IMPG1: variants seen among roughly 807,000 people sequenced by gnomAD.
IMPG1 encodes the protein interphotoreceptor matrix proteoglycan of 150 kDa.
IMPG1 carries 85 observed loss-of-function variants against 92.0 expected under a neutral mutation model. The observed-to-expected ratio is 0.92, with a 90% CI of 0.78 to 1.11. The LOEUF (loss-of-function observed/expected upper bound fraction) is 1.11. IMPG1 is among the 50% of genes least tolerant of loss of function. The pLI, the probability that IMPG1 is intolerant of heterozygous loss-of-function variation, is 0.00. For missense variants in IMPG1, 1,022 were observed against 956.0 expected (o/e 1.07, Z -0.91); for synonymous variants, 367 against 334.1 (o/e 1.10, Z -1.08).
In IMPG1 at chr6:75,972,538, G is replaced by A. The variant is rs143044465; in HGVS notation, c.1292-21444C>T. ...CTGTCCACTCTTTCTCATGACCTCCGTAAGACTTGTGGGTAACTCCCTTGT... is the reference window on the plus strand; with the variant it reads ...CTGTCCACTCTTTCTCATGACCTCCATAAGACTTGTGGGTAACTCCCTTGT... On this transcript the variant is annotated intron_variant, in intron 12 of 16. Coordinates refer to ENST00000369950, the MANE Select transcript of IMPG1 (RefSeq NM_001563.4). Among the ~76,000 whole-genome samples the A allele has an allele frequency of 8.0e-3, 1,211 of 152,124 alleles. 16 individuals carry two copies. The highest frequency in any genetic ancestry group is 0.027 in the African/African-American group (1,130 of 41,470).
At chr6:75,979,432 A>G (rs1450751097) in intron 12 of IMPG1, among the ~76,000 whole-genome samples, 1 of 152,196 alleles carries the variant, frequency 6.6e-6, no homozygotes, top group Non-Finnish European at 1.5e-5. Context: ...CACTTGTTGC[A>G]CAGGACAATG....
rs1562334660 is a variant in IMPG1 at position 75,924,544 on chromosome 6, AATATAATTAATATAATTATATATTAT to A, written c.2244-864_2244-839del. Among the ~76,000 whole-genome samples, 13 of 39,344 alleles carry A rather than the reference AATATAATTAATATAATTATATATTAT, an allele frequency of 3.3e-4. 2 individuals are homozygous for A. Among genetic ancestry groups the A allele is most frequent in the African/African-American group, 9.4e-4 (11 of 11,696 alleles). The allele number at this position is 39,344 out of a possible 152,430, so 25.8% of individuals were successfully genotyped here. ...ATTATATATTATAATATAATTATAT[AATATAATTAATATAATTATATATTAT>A]ATATAATTAATATAATTATATATTA... On this transcript the variant is annotated intron_variant, in intron 15 of 16. Transcript: ENST00000369950.
At chr6:75,962,982 G>C (rs941978234) in intron 12 of IMPG1, among the ~76,000 whole-genome samples, 1 of 151,808 alleles carries the variant, frequency 6.6e-6, no homozygotes, top group Non-Finnish European at 1.5e-5. Context: ...CGGAGGCTGC[G>C]GTGAGCCAAG....
chr6:75,954,656 G>T (rs994526517), intron 12 of IMPG1, among the ~76,000 whole-genome samples: 3 of 152,260 alleles, frequency 2.0e-5, no homozygotes, highest in Admixed American at 6.5e-5. Context: ...TGTTGCGATT[G>T]CTTTGGGTGA....
intron 15 of IMPG1, chr6:75,928,674 C>T (rs1199859128): frequency 6.6e-6 from 1 of 152,110 alleles, no homozygotes; most frequent in Non-Finnish European, 1.5e-5. Context: ...ATTAAAAATC[C>T]TGGACCTCAA....
chr6:75,968,631 A>G (rs1782350975), intron 12 of IMPG1, among the ~76,000 whole-genome samples: 1 of 151,942 alleles, frequency 6.6e-6, no homozygotes, highest in African/African-American at 2.4e-5. Flanking sequence ...TTTAGGGAAA[A>G]TAACACTAAC....
At chr6:75,939,881 CGTT>C (rs1781809754) in intron 14 of IMPG1, among the ~76,000 whole-genome samples, 1 of 152,210 alleles carries the variant, frequency 6.6e-6, no homozygotes, top group African/African-American at 2.4e-5. Context: ...CCTGTGCTGA[CGTT>C]GTCCGTTTCC....
chr6:76,005,819 GTT>G (rs890614721), intron 9 of IMPG1, among the ~76,000 whole-genome samples: 1 of 145,630 alleles, frequency 6.9e-6, no homozygotes, highest in African/African-American at 2.5e-5. Flanking sequence ...TTTACTTTAG[GTT>G]TTTTTTTTTC....
chr6:76,050,315 C>T (rs745310308), intron 1 of IMPG1, among the ~76,000 whole-genome samples: 10 of 152,194 alleles, frequency 6.6e-5, no homozygotes, highest in Admixed American at 4.6e-4. Context: ...CAGTGGCGCA[C>T]CCCTGTAATC....
At chr6:76,061,722 A>C (rs185123036) in intron 1 of IMPG1, among the ~76,000 whole-genome samples, 1 of 152,182 alleles carries the variant, frequency 6.6e-6, no homozygotes, top group Non-Finnish European at 1.5e-5. Flanking sequence ...TCTTTCTCTT[A>C]TACATTGAAT....
intron 1 of IMPG1, among the ~76,000 whole-genome samples, chr6:76,056,651 A>G (rs1471508921): frequency 6.6e-6 from 1 of 152,158 alleles, no homozygotes; most frequent in African/African-American, 2.4e-5. Flanking sequence ...TTCCACCAAC[A>G]ATGTTCAAAG....
Position 75,947,393 on chromosome 6 carries a change from C to T in IMPG1, c.1965G>A (p.Gly655=), listed in dbSNP as rs762387361. ...VPYNLTKAVH[G]VLEDFRSAAA... is the part of the protein sequence containing the mutation. Reference sequence around the variant, plus strand: ...CAGCAGAACGAAAATCCTCCAAGACCCCGTGCACAGCCTTGGTGAGGTTAT... The same window carrying T: ...CAGCAGAACGAAAATCCTCCAAGACTCCGTGCACAGCCTTGGTGAGGTTAT... Residue 655 remains glycine, a synonymous_variant, in exon 14 of 17, where the codon GGG becomes GGA. Coordinates refer to ENST00000369950, the MANE Select transcript of IMPG1 (RefSeq NM_001563.4). The T allele has an allele frequency of 5.0e-6, 8 of 1,613,910 alleles. No individual in the cohort carries two copies. In the East Asian group the frequency reaches 1.6e-4, roughly 31 times the overall value.
intron 14 of IMPG1, 86 bp from the exon 15 acceptor site, chr6:75,931,237 A>C: frequency 8.1e-7 from 1 of 1,239,390 alleles, no homozygotes; most frequent in Non-Finnish European, 1.1e-6. Context: ...GACCAAATAC[A>C]TTTGCTATTA....
intron 12 of IMPG1, among the ~76,000 whole-genome samples, chr6:75,965,318 T>C (rs952285420): frequency 6.6e-6 from 1 of 152,108 alleles, no homozygotes; most frequent in African/African-American, 2.4e-5. Context: ...CCACCAGCAA[T>C]GTATAAGTGA....
At chr6:76,059,414 AG>A (rs201276871) in intron 1 of IMPG1, among the ~76,000 whole-genome samples, 1 of 151,350 alleles carries the variant, frequency 6.6e-6, no homozygotes, top group African/African-American at 2.4e-5. Context: ...TTTTTTTTTA[AG>A]TGAAAAATAG....
chr6:75,963,327 G>A (rs1782239855), intron 12 of IMPG1, among the ~76,000 whole-genome samples: 1 of 152,152 alleles, frequency 6.6e-6, no homozygotes, highest in African/African-American at 2.4e-5. Context: ...CAAAACAGCT[G>A]AGTTAAAAGG....
At chr6:76,028,149 T>C (rs1783583833) in intron 4 of IMPG1, among the ~76,000 whole-genome samples, 1 of 152,246 alleles carries the variant, frequency 6.6e-6, no homozygotes, top group African/African-American at 2.4e-5. Context: ...ATAATTAATG[T>C]TGTTAAGTTA....
At chr6:75,947,660 G>T in intron 13 of IMPG1, 127 bp from the exon 14 acceptor site, 1 of 702,604 alleles carries the variant, frequency 1.4e-6, no homozygotes, top group South Asian at 2.0e-5. Flanking sequence ...TTTGATTTTT[G>T]TTTTTGGATT....
intron 12 of IMPG1, among the ~76,000 whole-genome samples, chr6:75,966,784 A>G (rs1302182614): frequency 6.6e-6 from 1 of 152,250 alleles, no homozygotes; most frequent in Non-Finnish European, 1.5e-5. Context: ...AAGAAAGCCT[A>G]CATTTATGTA....
Sources: gnomAD v4.1 joint callset for allele counts (sites outside exome capture counted in the v4.1 genomes callset) on GRCh38, gnomAD v4.1.1 for gene constraint, MANE v1.5 for transcripts, NCBI Gene and HGNC (gene_info 2026-07-23, HGNC 2026-07-21) for gene names.